GRXCR1: variants seen among roughly 807,000 people sequenced by gnomAD.
GRXCR1 encodes glutaredoxin domain-containing cysteine-rich protein 1.
In GRXCR1, 27 loss-of-function variants were observed where a neutral mutation model predicts 27.3. The ratio of observed to expected loss-of-function variants is 0.99; its 90% CI spans 0.73 to 1.37. The LOEUF (loss-of-function observed/expected upper bound fraction) is 1.37, where lower values mean the gene tolerates loss of function less well. Among genes scored for constraint, GRXCR1 ranks in the 40% most tolerant of loss-of-function variants. The pLI is 0.00. For synonymous variants in GRXCR1, 122 were observed against 131.1 expected (o/e 0.93, Z 0.47); for missense variants, 379 against 354.4 (o/e 1.07, Z -0.56).
intron 2 of GRXCR1, among the ~76,000 whole-genome samples, chr4:42,985,199 A>G (rs1257180815): frequency 6.6e-6 from 1 of 152,204 alleles, no homozygotes; most frequent in East Asian, 1.9e-4. Flanking sequence ...TGAGGCGGCA[A>G]TCACCGGAAA....
chr4:42,984,193 C>T (rs1033587789), intron 2 of GRXCR1, among the ~76,000 whole-genome samples: 2 of 152,156 alleles, frequency 1.3e-5, no homozygotes. Context: ...TCGCATTTTT[C>T]ATTTTGCTCA....
intron 2 of GRXCR1, among the ~76,000 whole-genome samples, chr4:43,010,363 A>G (rs1302938099): frequency 2.0e-5 from 3 of 150,768 alleles, no homozygotes; most frequent in Non-Finnish European, 2.9e-5. Flanking sequence ...AGATCGCACC[A>G]TTGCACTCCA....
chr4:42,916,367 C>T (rs913001001), intron 1 of GRXCR1, among the ~76,000 whole-genome samples: 1 of 152,004 alleles, frequency 6.6e-6, no homozygotes, highest in African/African-American at 2.4e-5. Context: ...TTATAAACAC[C>T]AGGTAGAACT....
chr4:42,998,425 T>C (rs1712244545), intron 2 of GRXCR1, among the ~76,000 whole-genome samples: 1 of 152,200 alleles, frequency 6.6e-6, no homozygotes, highest in African/African-American at 2.4e-5. Flanking sequence ...AGAGTATAAA[T>C]ACTACCTCCA....
chr4:42,992,998 A>G (rs1024211980), intron 2 of GRXCR1, among the ~76,000 whole-genome samples: 4 of 152,126 alleles, frequency 2.6e-5, no homozygotes, highest in Non-Finnish European at 4.4e-5. Flanking sequence ...CTTCTTTAGC[A>G]AACACCACAC....
At chr4:42,934,219 T>C (rs1747400594) in intron 1 of GRXCR1, among the ~76,000 whole-genome samples, 1 of 137,788 alleles carries the variant, frequency 7.3e-6, no homozygotes, top group Admixed American at 8.2e-5. Context: ...AATATAACTG[T>C]TATATGTGTA....
chr4:42,943,861 G>T (rs866239393), intron 1 of GRXCR1, among the ~76,000 whole-genome samples: 42 of 151,846 alleles, frequency 2.8e-4, no homozygotes, highest in Middle Eastern at 6.8e-3. Flanking sequence ...GCTATCTAAT[G>T]GGTAGATGCC....
intron 3 of GRXCR1, among the ~76,000 whole-genome samples, chr4:43,020,738 T>C (rs1713068076): frequency 6.6e-6 from 1 of 152,192 alleles, no homozygotes; most frequent in African/African-American, 2.4e-5. Context: ...AAATTTTTCA[T>C]TGAAACAACT....
At chr4:42,988,427 C>T (rs557847397) in intron 2 of GRXCR1, among the ~76,000 whole-genome samples, 79 of 152,218 alleles carry the variant, frequency 5.2e-4, no homozygotes, top group African/African-American at 1.8e-3. Context: ...TGGGGTAGAG[C>T]AGAAGTCAGA....
chr4:43,024,005 T>A (rs188261910), intron 3 of GRXCR1, among the ~76,000 whole-genome samples: 92 of 152,184 alleles, frequency 6.0e-4, no homozygotes, highest in Admixed American at 2.6e-3. Context: ...TCTGCTGGTG[T>A]CCATGCAGGG....
intron 1 of GRXCR1, among the ~76,000 whole-genome samples, chr4:42,912,776 A>G (rs1011256226): frequency 1.3e-5 from 2 of 152,184 alleles, no homozygotes; most frequent in Admixed American, 1.3e-4. Flanking sequence ...ATTTTAAATC[A>G]TTAGTGTTAT....
intron 1 of GRXCR1, among the ~76,000 whole-genome samples, chr4:42,951,966 T>G (rs1294456356): frequency 6.6e-6 from 1 of 152,184 alleles, no homozygotes; most frequent in East Asian, 1.9e-4. Context: ...GGATAATTCC[T>G]GAGGAAATAA....
At chr4:42,930,098 C>G (rs1747268599) in intron 1 of GRXCR1, among the ~76,000 whole-genome samples, 1 of 151,990 alleles carries the variant, frequency 6.6e-6, no homozygotes, top group African/African-American at 2.4e-5. Flanking sequence ...CCCTCTTTGC[C>G]ACATCCTGGC....
chr4:42,903,719 A>G lies in GRXCR1; in HGVS notation c.384+10069A>G, dbSNP rs879498200. ...CTTGCTTCAGCATTTTCCAAGGCCA[A>G]TGTTTCCTGCTTCAGCTACTCAATT... On this transcript the variant is annotated intron_variant, in intron 1 of 3. Coordinates refer to ENST00000399770, the MANE Select transcript of GRXCR1 (RefSeq NM_001080476.3). Among the ~76,000 whole-genome samples the G allele has an allele frequency of 4.9e-5, 7 of 144,188 alleles. No individual in the cohort carries two copies. In the Admixed American group the frequency reaches 5.2e-4, roughly 11 times the overall value. 94.6% of individuals were successfully genotyped at this position (144,188 alleles called of 152,430 possible).
intron 2 of GRXCR1, among the ~76,000 whole-genome samples, chr4:42,974,075 A>G (rs1178577539): frequency 6.6e-6 from 1 of 152,170 alleles, no homozygotes; most frequent in Non-Finnish European, 1.5e-5. Flanking sequence ...GCACTGAGAC[A>G]GCAGGGTTTG....
chr4:42,987,248 A>ATATATT (rs370379241), intron 2 of GRXCR1, among the ~76,000 whole-genome samples: 1 of 67,562 alleles, frequency 1.5e-5, no homozygotes, highest in African/African-American at 5.2e-5. Flanking sequence ...TATAATATAT[A>ATATATT]ATATATATAT....
intron 3 of GRXCR1, among the ~76,000 whole-genome samples, chr4:43,022,956 A>G (rs1713141056): frequency 6.6e-6 from 1 of 152,260 alleles, no homozygotes; most frequent in Admixed American, 6.5e-5. Flanking sequence ...GAATGGAGGT[A>G]CAGAAAGACA....
intron 1 of GRXCR1, among the ~76,000 whole-genome samples, chr4:42,940,518 T>G (rs1747594092): frequency 6.6e-6 from 1 of 152,074 alleles, no homozygotes; most frequent in Non-Finnish European, 1.5e-5. Flanking sequence ...AAATGCAAAT[T>G]ATTAAGTTTC....
At chr4:42,934,661 T>C (rs1405057818) in intron 1 of GRXCR1, among the ~76,000 whole-genome samples, 1 of 151,988 alleles carries the variant, frequency 6.6e-6, no homozygotes, top group Non-Finnish European at 1.5e-5. Context: ...TTTGTGTTTT[T>C]ACAAAATACT....
Sources: gnomAD v4.1 joint callset for allele counts (sites outside exome capture counted in the v4.1 genomes callset) on GRCh38, gnomAD v4.1.1 for gene constraint, MANE v1.5 for transcripts, NCBI Gene and HGNC (gene_info 2026-07-23, HGNC 2026-07-21) for gene names.